Variants in CSDE1 observed in about 807,000 individuals in gnomAD.
CSDE1 encodes cold shock domain-containing protein E1.
In CSDE1, 17 loss-of-function variants were observed where a neutral mutation model predicts 89.3. The ratio of observed to expected loss-of-function variants is 0.19; its 90% CI spans 0.13 to 0.29. The LOEUF (loss-of-function observed/expected upper bound fraction) is 0.29. Ranked by LOEUF, CSDE1 falls within the 10% of genes least tolerant of loss-of-function variation. The pLI is 1.00. For synonymous variants in CSDE1, 322 were observed against 332.8 expected (o/e 0.97, Z 0.35); for missense variants, 672 against 984.2 (o/e 0.68, Z 4.24).
intron 2 of CSDE1, among the ~76,000 whole-genome samples, chr1:114,745,415 A>T (rs146020912): frequency 6.6e-6 from 1 of 152,346 alleles, no homozygotes; most frequent in African/African-American, 2.4e-5. Flanking sequence ...CTTATTCTGT[A>T]ATAGGAAATG....
chr1:114,727,196 TG>T, intron 12 of CSDE1, 106 bp from the exon 13 acceptor site: 1 of 697,454 alleles, frequency 1.4e-6, no homozygotes, highest in Non-Finnish European at 2.4e-6. Flanking sequence ...TTGGTACAGC[TG>T]TAAAAATGTC....
At chr1:114,731,964 A>C (rs1418614092) in intron 10 of CSDE1, among the ~76,000 whole-genome samples, 1 of 152,030 alleles carries the variant, frequency 6.6e-6, no homozygotes, top group Non-Finnish European at 1.5e-5. Context: ...ACAGGTGCCC[A>C]CCGTCACACC....
chr1:114,727,100 TAC>T lies in CSDE1; in HGVS notation c.1357-12_1357-11del. ...TGCCATCCTCAGCCTCCTAAAGAGA[TAC>T]AGTCAAAAACAGAATGAAAACAATC... On this transcript the variant is annotated splice_polypyrimidine_tract_variant and intron_variant, in intron 12 of 19. Transcript: ENST00000358528. 6.3e-7 allele frequency: 1 copy of T among 1,577,968 alleles called. No individual in the cohort carries two copies. The highest frequency in any genetic ancestry group is 8.7e-7 in the Non-Finnish European group (1 of 1,147,998).
At chr1:114,746,094 TC>T in intron 2 of CSDE1, among the ~76,000 whole-genome samples, 1 of 152,170 alleles carries the variant, frequency 6.6e-6, no homozygotes, top group Non-Finnish European at 1.5e-5. Context: ...CACCATAAGA[TC>T]TTTAGAAAAC....
rs761857123 is a variant in CSDE1 at position 114,726,278 on chromosome 1, T to C, written c.1573A>G (p.Thr525Ala). 1 of 1,613,242 alleles carries C rather than the reference T, an allele frequency of 6.2e-7. No homozygotes were observed. The highest frequency in any genetic ancestry group is 8.5e-7 in the Non-Finnish European group (1 of 1,179,694). ...ATAAATCCAAAATTATCCTTCAGAG[T>C]TGCCACATAACCCAAGAGCCTCTTG... ...NSKRLLGYVATLKDNFGFIET... is the reference protein window; with the variant it reads ...NSKRLLGYVAALKDNFGFIET... The change falls in exon 14 of 20, where the codon ACT (threonine) becomes GCT (alanine). Residue 525 changes from threonine (T) to alanine (A), a missense_variant. Physicochemically the swap from Thr to Ala is moderately conservative, Grantham distance 58. This residue lies in a region of CSDE1 where 1 missense variants were observed against 19.4 expected (regional missense o/e 0.05). Transcript: ENST00000358528.
intron 16 of CSDE1, among the ~76,000 whole-genome samples, chr1:114,721,179 T>C (rs942409867): frequency 2.0e-5 from 3 of 152,186 alleles, no homozygotes; most frequent in African/African-American, 7.2e-5. Context: ...ACCTCCTTTT[T>C]TTTTGTTCGA....
At chr1:114,728,274 C>T (rs743042) in intron 12 of CSDE1, among the ~76,000 whole-genome samples, 30,861 of 152,088 alleles carry the variant, frequency 0.2, 3,577 homozygotes, top group Non-Finnish European at 0.25. Context: ...TGTCAGTGAA[C>T]TCAGGTCTGA....
At chr1:114,755,492 A>G (rs191189936) in intron 1 of CSDE1, among the ~76,000 whole-genome samples, 245 of 152,328 alleles carry the variant, frequency 1.6e-3, no homozygotes, top group African/African-American at 4.9e-3. Flanking sequence ...CTCAGCATAA[A>G]AGGACATTAA....
At chr1:114,741,519 T>A in intron 2 of CSDE1, 1 of 1,544,314 alleles carries the variant, frequency 6.5e-7, no homozygotes, top group Non-Finnish European at 8.8e-7. Flanking sequence ...ACTGCTTTCC[T>A]GACTTACAGA....
intron 1 of CSDE1, among the ~76,000 whole-genome samples, chr1:114,753,161 G>A (rs945077760): frequency 2.6e-5 from 4 of 152,256 alleles, no homozygotes; most frequent in African/African-American, 9.6e-5. Flanking sequence ...TGAACCCAAA[G>A]AACTCAACAT....
chr1:114,751,360 G>A (rs1661297858), intron 1 of CSDE1, among the ~76,000 whole-genome samples: 1 of 152,124 alleles, frequency 6.6e-6, no homozygotes, highest in African/African-American at 2.4e-5. Flanking sequence ...GCTGAGAAAT[G>A]GATATTTGAA....
At chr1:114,720,243 G>A in intron 17 of CSDE1, 1 of 278,168 alleles carries the variant, frequency 3.6e-6, no homozygotes, top group Admixed American at 5.0e-5. Context: ...GAAGCTCTAA[G>A]CAAAAGTGTA....
At chr1:114,729,250 T>C (rs1985867) in intron 12 of CSDE1, among the ~76,000 whole-genome samples, 115,857 of 151,674 alleles carry the variant, frequency 0.76, 45,818 homozygotes, top group East Asian at 1. Flanking sequence ...AGGTGCCCAC[T>C]ACTATGCCCG....
In CSDE1 at chr1:114,736,863, T is replaced by G. The variant is rs1468771872; in HGVS notation, c.403-8A>C. On this transcript the variant is annotated splice_region_variant and splice_polypyrimidine_tract_variant and intron_variant, in intron 5 of 19. Coordinates refer to ENST00000358528, the MANE Select transcript of CSDE1 (RefSeq NM_001007553.3). ...AGTCAGATAAAACACTTCCTGTGAA[T>G]TAATAAATCATTATTACTATTTTGG... is the stretch of plus-strand genomic sequence containing the variant. 1 of 1,590,726 alleles carries G rather than the reference T, an allele frequency of 6.3e-7. No homozygotes were observed. Among genetic ancestry groups the G allele is most frequent in the African/African-American group, 1.3e-5 (1 of 74,564 alleles).
chr1:114,757,751 G>C (rs1661697135), intron 1 of CSDE1, among the ~76,000 whole-genome samples, 174 bp downstream of exon 1: 1 of 152,096 alleles, frequency 6.6e-6, no homozygotes. Flanking sequence ...CCAGGCAGTT[G>C]AACGGGAGAC....
chr1:114,732,425 G>A (rs1220689518), intron 10 of CSDE1, among the ~76,000 whole-genome samples, 179 bp downstream of exon 10: 2 of 152,024 alleles, frequency 1.3e-5, no homozygotes, highest in Non-Finnish European at 1.5e-5. Context: ...ATATTTCCAA[G>A]ATAACTGCCA....
At chr1:114,733,917 T>A in intron 8 of CSDE1, 60 bp from the exon 9 acceptor site, 1 of 1,607,466 alleles carries the variant, frequency 6.2e-7, no homozygotes, top group East Asian at 2.2e-5. Context: ...CACATAATTT[T>A]AAGTGTTTCT....
chr1:114,739,321 G>A (rs1209449245), intron 3 of CSDE1, among the ~76,000 whole-genome samples: 5 of 152,148 alleles, frequency 3.3e-5, no homozygotes, highest in East Asian at 1.9e-4. Context: ...GTAAGCCACC[G>A]CGCCCAGCTT....
At chr1:114,746,478 T>C (rs560683010) in intron 2 of CSDE1, 12 of 152,278 alleles carry the variant, frequency 7.9e-5, no homozygotes, top group Admixed American at 5.2e-4. Flanking sequence ...AGTATTCCAA[T>C]TTGGTGACTA....
Sources: allele counts gnomAD v4.1 joint callset (sites outside exome capture counted in the v4.1 genomes callset), GRCh38; gene constraint gnomAD v4.1.1; regional missense constraint gnomAD v4.1.1; transcripts MANE v1.5; gene names NCBI Gene and HGNC (gene_info 2026-07-23, HGNC 2026-07-21).